The following TSPAN4 variants were observed in gnomAD, a reference collection of about 807,000 sequenced individuals.
TSPAN4 encodes the protein tetraspanin 4.
A neutral mutation model predicts 31.5 loss-of-function variants in TSPAN4; 38 were observed. That is an observed-to-expected ratio of 1.21 (90% CI 0.93 to 1.58). The LOEUF (loss-of-function observed/expected upper bound fraction) is 1.58, where lower values mean the gene tolerates loss of function less well. Among genes scored for constraint, TSPAN4 ranks in the 40% most tolerant of loss-of-function variants. The probability of loss-of-function intolerance (pLI) is 0.00; values close to 1 mark genes in which losing one functional copy is unlikely to be tolerated. For synonymous variants in TSPAN4, 186 were observed against 144.6 expected, an observed-to-expected ratio of 1.29 and a Z score of -2.06; for missense variants, 330 against 317.3, an observed-to-expected ratio of 1.04 and a Z score of -0.30.
rs572868310 is a variant in TSPAN4 at position 854,982 on chromosome 11, G to T, written c.63+4615G>T. 1.6e-3 allele frequency among the ~76,000 whole-genome samples: 241 copies of T among 152,358 alleles called. 3 individuals are homozygous for T. Among genetic ancestry groups the T allele is most frequent in the South Asian group, 2.3e-3 (11 of 4,832 alleles). ...AGGCCCTGACGCTGGCAACCACAGC[G>T]TGTCTGAGCCTTGGGGAGTGTGTGG... is the stretch of plus-strand genomic sequence containing the variant. On this transcript the variant is annotated intron_variant, in intron 3 of 8. Transcript: ENST00000397397.
intron 3 of TSPAN4, among the ~76,000 whole-genome samples, chr11:860,590 G>A (rs1848401206): frequency 1.3e-5 from 2 of 152,188 alleles, no homozygotes; most frequent in South Asian, 4.1e-4. Flanking sequence ...CTGGGCTGGT[G>A]TTGCAGGTGG....
Position 865,950 on chromosome 11 carries a change from G to A in TSPAN4, c.597G>A (p.Gln199=). The A allele has an allele frequency of 6.2e-7, 1 of 1,612,814 alleles. No homozygotes were observed. The highest frequency in any genetic ancestry group is 8.5e-7 in the Non-Finnish European group (1 of 1,179,986). The change falls in exon 8 of 9, where the codon CAG becomes CAA. Residue 199 remains glutamine (Q), a synonymous_variant. Coordinates refer to ENST00000397397, the MANE Select transcript of TSPAN4 (RefSeq NM_003271.5). ...PCYETVKVWL[Q]ENLLAVGIFG... is the part of the protein sequence containing the mutation. ...ACGAGACGGTGAAGGTGTGGCTTCA[G>A]GAGAACCTGCTGGCTGTGGGCATCT... is the stretch of plus-strand genomic sequence containing the variant.
chr11:863,021 G>A, intron 4 of TSPAN4: 1 of 429,466 alleles, frequency 2.3e-6, no homozygotes, highest in Non-Finnish European at 4.2e-6. Context: ...GCCCTGGTGA[G>A]TGCAGGCACA....
chr11:861,775 C>T (rs568088393), intron 3 of TSPAN4, among the ~76,000 whole-genome samples: 3 of 151,552 alleles, frequency 2.0e-5, no homozygotes, highest in South Asian at 2.1e-4. Flanking sequence ...AAAAATTAAC[C>T]GGGTGTGGTG....
At chr11:852,196 C>T (rs745629513) in intron 3 of TSPAN4, among the ~76,000 whole-genome samples, 1 of 152,126 alleles carries the variant, frequency 6.6e-6, no homozygotes, top group African/African-American at 2.4e-5. Context: ...GATCTTGGCT[C>T]ACTGCAACCT....
chr11:855,345 G>C (rs992202773), intron 3 of TSPAN4, among the ~76,000 whole-genome samples: 1 of 152,216 alleles, frequency 6.6e-6, no homozygotes, highest in African/African-American at 2.4e-5. Flanking sequence ...GATGTGAGCC[G>C]TGGTCCTGGC....
At position 866,738 on chromosome 11, in the gene TSPAN4, G is replaced by A; in HGVS notation, c.*108G>A. On this transcript the variant is annotated 3_prime_UTR_variant, in exon 9 of 9. Coordinates refer to ENST00000397397, the MANE Select transcript of TSPAN4 (RefSeq NM_003271.5). Reference sequence around the variant, plus strand: ...TCGGTGCTCTGCCCCATGCTGGGAGGAGGGAGGGAGGGACAGGTGCCTGGA... The same window carrying A: ...TCGGTGCTCTGCCCCATGCTGGGAGAAGGGAGGGAGGGACAGGTGCCTGGA... 9.1e-7 allele frequency: 1 copy of A among 1,095,478 alleles called. No individual in the cohort carries two copies. Among genetic ancestry groups the A allele is most frequent in the South Asian group, 1.7e-5 (1 of 59,882 alleles). The allele number at this position is 1,095,478 out of a possible 1,614,324, so 67.9% of individuals were successfully genotyped here.
chr11:860,979 C>T (rs1358084358), intron 3 of TSPAN4, among the ~76,000 whole-genome samples: 3 of 152,132 alleles, frequency 2.0e-5, no homozygotes, highest in Admixed American at 6.5e-5. Flanking sequence ...TCAGCATTTT[C>T]GGGGGACTGC....
intron 1 of TSPAN4, among the ~76,000 whole-genome samples, chr11:846,313 C>T (rs1847321622): frequency 6.6e-6 from 1 of 152,246 alleles, no homozygotes; most frequent in African/African-American, 2.4e-5. Flanking sequence ...GGACCTCCGT[C>T]TGGCCTTGTG....
chr11:843,938 C>G (rs986213800), intron 1 of TSPAN4: 1 of 152,378 alleles, frequency 6.6e-6, no homozygotes, highest in Non-Finnish European at 1.5e-5. Flanking sequence ...GCCAGATCCA[C>G]TGCACGCTTG....
intron 2 of TSPAN4, chr11:849,963 G>A (rs1259090353): frequency 4.5e-5 from 7 of 155,662 alleles, no homozygotes; most frequent in Middle Eastern, 3.0e-3. Context: ...GCCGGCCGGC[G>A]GGATGGGGCG....
At chr11:864,703 A>G (rs2134067162) in intron 5 of TSPAN4, 192 bp downstream of exon 5, 1 of 683,288 alleles carries the variant, frequency 1.5e-6, no homozygotes, top group Non-Finnish European at 2.5e-6. Flanking sequence ...CTGTGGCTCT[A>G]TAGCGACTGG....
At chr11:847,037 T>G (rs931898316) in intron 1 of TSPAN4, 164 bp from the exon 2 acceptor site, 1 of 152,324 alleles carries the variant, frequency 6.6e-6, no homozygotes, top group Non-Finnish European at 1.5e-5. Flanking sequence ...AGTGGTCTTC[T>G]TCTCCGAGTC....
At chr11:852,790 GCCTCCTCCT>G (rs961009313) in intron 3 of TSPAN4, among the ~76,000 whole-genome samples, 2 of 151,094 alleles carry the variant, frequency 1.3e-5, no homozygotes, top group African/African-American at 2.5e-5. Flanking sequence ...ATACAACCTG[GCCTCCTCCT>G]CCTCCTCCTC....
At chr11:864,250 C>T (rs960905998) in intron 4 of TSPAN4, 187 bp from the exon 5 acceptor site, 2 of 680,044 alleles carry the variant, frequency 2.9e-6, no homozygotes, top group South Asian at 1.7e-5. Context: ...CAGCCACAGT[C>T]CCTGGACCTG....
Position 866,221 on chromosome 11 carries a change from C to T in TSPAN4, c.648+220C>T, listed in dbSNP as rs555557349. Among the ~76,000 whole-genome samples, 35 of 152,134 alleles carry T rather than the reference C, an allele frequency of 2.3e-4. No homozygotes were observed. The East Asian group carries it at 6.4e-3, about 28-fold the overall frequency. ...GCAGAGGCTGGTGTGGGGTGGAGGC[C>T]GGTGGTCGTCCATGTTGGTCGGTGG... On this transcript the variant is annotated intron_variant, in intron 8 of 8. Transcript: ENST00000397397.
chr11:863,454 C>G (rs1848589022), intron 4 of TSPAN4: 1 of 152,278 alleles, frequency 6.6e-6, no homozygotes, highest in Non-Finnish European at 1.5e-5. Flanking sequence ...TCAGCCAGTC[C>G]ACTCCCCTCC....
At chr11:852,120 T>G (rs1847783875) in intron 3 of TSPAN4, among the ~76,000 whole-genome samples, 1 of 152,090 alleles carries the variant, frequency 6.6e-6, no homozygotes, top group African/African-American at 2.4e-5. Flanking sequence ...GAAAATGCAA[T>G]TCTCTCTTTT....
Position 865,813 on chromosome 11 carries a change from C to T in TSPAN4, c.552C>T (p.Thr184=), listed in dbSNP as rs1232217193. ...SESCGLHAPG[T]WWKAPCYETV... Reference sequence around the variant, plus strand: ...GCTGTGGGCTGCACGCCCCCGGCACCTGGTGGAAGGCGGTGAGTGAGACCC... The same window carrying T: ...GCTGTGGGCTGCACGCCCCCGGCACTTGGTGGAAGGCGGTGAGTGAGACCC... Residue 184 remains threonine, a synonymous_variant, in exon 7 of 9, where the codon ACC becomes ACT. Transcript: ENST00000397397. 14 of 1,612,468 alleles carry T rather than the reference C, an allele frequency of 8.7e-6. No individual in the cohort carries two copies. In the South Asian group the frequency reaches 1.5e-4, roughly 18 times the overall value.
Sources: allele counts gnomAD v4.1 joint callset (sites outside exome capture counted in the v4.1 genomes callset), GRCh38; gene constraint gnomAD v4.1.1; transcripts MANE v1.5; gene names NCBI Gene and HGNC (gene_info 2026-07-23, HGNC 2026-07-21).